Variants in SNRK observed in about 807,000 individuals in gnomAD.
SNRK encodes the protein SNF related kinase, also known as SNF-related serine/threonine-protein kinase.
SNRK carries 3 observed loss-of-function variants against 48.2 expected under a neutral mutation model. The observed-to-expected ratio is 0.06, with a 90% CI of 0.03 to 0.16. The LOEUF is 0.16. SNRK is among the 10% of genes least tolerant of loss of function. SNRK has a pLI of 1.00. For synonymous variants in SNRK, 376 were observed against 366.1 expected, an observed-to-expected ratio of 1.03 and a Z score of -0.31; for missense variants, 627 against 976.0, an observed-to-expected ratio of 0.64 and a Z score of 4.76.
chr3:43,342,318 G>A (rs1013049589), intron 5 of SNRK, among the ~76,000 whole-genome samples: 1 of 152,162 alleles, frequency 6.6e-6, no homozygotes, highest in Non-Finnish European at 1.5e-5. Flanking sequence ...GAAGCTGCTT[G>A]TTCTGAGGGT....
chr3:43,314,882 A>G (rs2091003391), intron 3 of SNRK: 1 of 152,162 alleles, frequency 6.6e-6, no homozygotes, highest in Admixed American at 6.5e-5. Flanking sequence ...CTCTTAAAAA[A>G]AAATTTTTAA....
rs904728110 is a variant in SNRK, at chr3:43,350,614, C to T, written c.*2057C>T. 9 of 152,490 alleles carry T rather than the reference C, an allele frequency of 5.9e-5. No individual in the cohort carries two copies. Among genetic ancestry groups the T allele is most frequent in the African/African-American group, 1.9e-4 (8 of 41,414 alleles). The allele number at this position is 152,490 out of a possible 1,614,324, so 9.4% of individuals were successfully genotyped here. A position where few individuals can be genotyped will look rare whatever the true frequency, so the allele number is the denominator to read the frequency against. ...GTTGACCCTTGGGGTATACAAATGT[C>T]AGTCTGAGTGGTGTCTTACTCCTTT... On this transcript the variant is annotated 3_prime_UTR_variant, in exon 7 of 7. Transcript: ENST00000296088.
chr3:43,296,500 A>C (rs1015290702), intron 1 of SNRK, among the ~76,000 whole-genome samples: 2 of 149,644 alleles, frequency 1.3e-5, no homozygotes, highest in African/African-American at 4.9e-5. Flanking sequence ...TTTGGAGGAA[A>C]ACTTATATTC....
intron 3 of SNRK, among the ~76,000 whole-genome samples, chr3:43,308,805 A>G (rs565052287): frequency 1.3e-5 from 2 of 152,330 alleles, no homozygotes; most frequent in South Asian, 2.1e-4. Flanking sequence ...AGTCTTTACT[A>G]TTTAAGAAAT....
intron 2 of SNRK, among the ~76,000 whole-genome samples, chr3:43,302,575 T>C (rs938174723): frequency 6.6e-6 from 1 of 151,820 alleles, no homozygotes; most frequent in African/African-American, 2.4e-5. Flanking sequence ...CAAGGTGCTC[T>C]GGGGATATTG....
chr3:43,344,342 A>ACT (rs941761136), intron 6 of SNRK, among the ~76,000 whole-genome samples: 13 of 152,322 alleles, frequency 8.5e-5, no homozygotes, highest in African/African-American at 3.1e-4. Context: ...GCACTCAGAT[A>ACT]AAGTAACCCA....
intron 1 of SNRK, among the ~76,000 whole-genome samples, chr3:43,291,296 CTG>C (rs1400669231): frequency 6.6e-6 from 1 of 152,170 alleles, no homozygotes; most frequent in Non-Finnish European, 1.5e-5. Flanking sequence ...AGAATGCTGT[CTG>C]TGGCATTCTC....
intron 3 of SNRK, among the ~76,000 whole-genome samples, chr3:43,322,469 T>C (rs2091060929): frequency 1.3e-5 from 2 of 152,328 alleles, no homozygotes; most frequent in African/African-American, 2.4e-5. Context: ...GCAATATTTG[T>C]AATATAGGAA....
chr3:43,338,561 T>C (rs2091208570), intron 4 of SNRK, among the ~76,000 whole-genome samples: 5 of 152,256 alleles, frequency 3.3e-5, no homozygotes, highest in Admixed American at 2.6e-4. Context: ...TCAAGATGTG[T>C]GCTCTTTGAT....
At chr3:43,293,211 G>C (rs1469644033) in intron 1 of SNRK, among the ~76,000 whole-genome samples, 2 of 152,158 alleles carry the variant, frequency 1.3e-5, no homozygotes, top group Non-Finnish European at 2.9e-5. Context: ...CCGGTGATCA[G>C]CCTGCCTCAG....
intron 3 of SNRK, among the ~76,000 whole-genome samples, chr3:43,311,660 A>G (rs1388635887): frequency 1.3e-5 from 2 of 152,116 alleles, no homozygotes; most frequent in African/African-American, 2.4e-5. Context: ...ACATCAGTTT[A>G]TTCAGTGGAA....
chr3:43,297,682 G>A (rs911513093), intron 1 of SNRK, among the ~76,000 whole-genome samples: 4 of 151,402 alleles, frequency 2.6e-5, no homozygotes, highest in Non-Finnish European at 5.9e-5. Flanking sequence ...GAGATTTTCT[G>A]TAAGAATATA....
chr3:43,287,019 C>T (rs2090770591), intron 1 of SNRK, among the ~76,000 whole-genome samples: 1 of 149,604 alleles, frequency 6.7e-6, no homozygotes, highest in African/African-American at 2.4e-5. Context: ...CGCCCGCATC[C>T]CCGCGCCCCG....
rs778347997 is a variant in SNRK at position 43,347,352 on chromosome 3, A to T, written c.1093A>T (p.Thr365Ser). 1 of 1,569,044 alleles carries T rather than the reference A, an allele frequency of 6.4e-7. No individual in the cohort carries two copies. The highest frequency in any genetic ancestry group is 1.4e-5 in the African/African-American group (1 of 73,338). Residue 365 changes from threonine to serine, a missense_variant, in exon 7 of 7, where the codon ACC becomes TCC. This residue lies in a region of SNRK where 175 missense variants were observed against 209.7 expected (regional missense o/e 0.83). Coordinates refer to ENST00000296088, the MANE Select transcript of SNRK (RefSeq NM_017719.5). The surrounding 1 kb of genome is among the most constrained non-coding windows in gnomAD (Gnocchi z 5.4). The stretch of plus-strand genomic sequence containing the variant: ...TCTGTTACATAGGCAGTCATGGCCA[A>T]CCAAAATTGATGTACCCCAGGACCT... Reference protein sequence around the residue: ...IKAQFRQSWPTKIDVPQDLED... With the variant: ...IKAQFRQSWPSKIDVPQDLED...
At chr3:43,332,665 A>C (rs2091155594) in intron 4 of SNRK, 1 of 160,164 alleles carries the variant, frequency 6.2e-6, no homozygotes, top group Non-Finnish European at 1.4e-5. Flanking sequence ...AGCAAAAAGC[A>C]AGATCACCTG....
At chr3:43,294,764 A>AT (rs1239224545) in intron 1 of SNRK, among the ~76,000 whole-genome samples, 1 of 148,358 alleles carries the variant, frequency 6.7e-6, no homozygotes, top group Non-Finnish European at 1.5e-5. Context: ...TTTTTTGACC[A>AT]TTTTTTAATG....
intron 2 of SNRK, among the ~76,000 whole-genome samples, chr3:43,300,608 G>GCCCCC (rs34151308): frequency 8.8e-5 from 13 of 147,168 alleles, no homozygotes; most frequent in African/African-American, 3.4e-4. Context: ...ATAGTTTCCT[G>GCCCCC]CCCCCCCCCC....
intron 3 of SNRK, among the ~76,000 whole-genome samples, chr3:43,326,832 T>A (rs1219857464): frequency 6.6e-6 from 1 of 152,170 alleles, no homozygotes; most frequent in Non-Finnish European, 1.5e-5. Flanking sequence ...TGAATTAAGA[T>A]CTGGGAAAGG....
chr3:43,292,699 G>T (rs1468316089), intron 1 of SNRK, among the ~76,000 whole-genome samples: 1 of 152,170 alleles, frequency 6.6e-6, no homozygotes, highest in African/African-American at 2.4e-5. Context: ...CCCACTTTCA[G>T]GAATGGTGTT....
Sources: gnomAD v4.1 joint callset for allele counts (sites outside exome capture counted in the v4.1 genomes callset) on GRCh38, gnomAD v4.1.1 for gene constraint, gnomAD v4.1.1 regional missense constraint, Gnocchi (gnomAD v3.1) non-coding constraint, MANE v1.5 for transcripts, NCBI Gene and HGNC (gene_info 2026-07-23, HGNC 2026-07-21) for gene names.